VSTM2L: variants seen among roughly 807,000 people sequenced by gnomAD.
VSTM2L encodes V-set and transmembrane domain-containing protein 2-like protein.
A neutral mutation model predicts 19.9 loss-of-function variants in VSTM2L; 9 were observed. That is an observed-to-expected ratio of 0.45 (90% confidence interval 0.27 to 0.79). The LOEUF is 0.79. Among genes scored for constraint, VSTM2L ranks in the 30% least tolerant of loss-of-function variants. The probability of loss-of-function intolerance (pLI) is 0.15; values close to 1 mark genes in which losing one functional copy is unlikely to be tolerated. For synonymous variants in VSTM2L, 127 were observed against 133.8 expected (o/e 0.95, Z 0.35); for missense variants, 286 against 295.5 (o/e 0.97, Z 0.24).
intron 1 of VSTM2L, among the ~76,000 whole-genome samples, chr20:37,906,773 C>T (rs2072754186): frequency 6.6e-6 from 1 of 152,206 alleles, no homozygotes; most frequent in Non-Finnish European, 1.5e-5. Context: ...TTTCTCCCTT[C>T]TAGCTCCTCA....
At chr20:37,916,662 G>A (rs1280482596) in intron 1 of VSTM2L, among the ~76,000 whole-genome samples, 3 of 152,232 alleles carry the variant, frequency 2.0e-5, no homozygotes, top group African/African-American at 7.2e-5. Flanking sequence ...TCTGTAAGAA[G>A]AGGACAATGA....
intron 1 of VSTM2L, among the ~76,000 whole-genome samples, chr20:37,910,907 A>G (rs552620783): frequency 4.8e-4 from 71 of 148,582 alleles, no homozygotes; most frequent in Middle Eastern, 6.9e-3. Flanking sequence ...ACAGAGTGAG[A>G]CCCTGTCTCT....
chr20:37,942,753 G>A, intron 3 of VSTM2L, among the ~76,000 whole-genome samples: 1 of 152,308 alleles, frequency 6.6e-6, no homozygotes, highest in East Asian at 1.9e-4. Context: ...ATTTCCTCAG[G>A]CTGTGTGCAC....
At chr20:37,914,377 G>GT (rs2072800723) in intron 1 of VSTM2L, among the ~76,000 whole-genome samples, 1 of 2,416 alleles carries the variant, frequency 4.1e-4, no homozygotes, top group African/African-American at 1.6e-3. Context: ...TATGTGTGTG[G>GT]GTGTATGTGT....
intron 1 of VSTM2L, among the ~76,000 whole-genome samples, chr20:37,926,289 T>C (rs527896539): frequency 1.3e-5 from 2 of 152,354 alleles, no homozygotes; most frequent in Admixed American, 1.3e-4. Flanking sequence ...CTTGAACTCC[T>C]GACCTCAAGT....
At chr20:37,929,137 G>C (rs6123167) in intron 1 of VSTM2L, among the ~76,000 whole-genome samples, 1 of 151,884 alleles carries the variant, frequency 6.6e-6, no homozygotes, top group African/African-American at 2.4e-5. Context: ...CTAAGGAAGC[G>C]GACTTTGAGC....
intron 1 of VSTM2L, 117 bp from the exon 2 acceptor site, chr20:37,931,518 C>CCCCA: frequency 8.9e-7 from 1 of 1,122,954 alleles, no homozygotes; most frequent in Admixed American, 2.1e-5. Flanking sequence ...GTCACCCCAC[C>CCCCA]CCCTCCACCC....
intron 1 of VSTM2L, among the ~76,000 whole-genome samples, chr20:37,930,150 A>C (rs1459720750): frequency 6.6e-6 from 1 of 152,242 alleles, no homozygotes; most frequent in Non-Finnish European, 1.5e-5. Flanking sequence ...ACTTGCTCTC[A>C]GCCCAGAAAC....
intron 1 of VSTM2L, among the ~76,000 whole-genome samples, chr20:37,912,053 C>A (rs1444161093): frequency 6.6e-6 from 1 of 152,244 alleles, no homozygotes; most frequent in Non-Finnish European, 1.5e-5. Flanking sequence ...ATCACTTCCC[C>A]TGCCTCCTCC....
chr20:37,938,912 T>G (rs942831563), intron 3 of VSTM2L, among the ~76,000 whole-genome samples: 2 of 152,074 alleles, frequency 1.3e-5, no homozygotes, highest in African/African-American at 4.8e-5. Flanking sequence ...GGGCTGGGTT[T>G]TCCCAAGACA....
chr20:37,935,283 A>G (rs967275969), intron 3 of VSTM2L, among the ~76,000 whole-genome samples: 48 of 152,340 alleles, frequency 3.2e-4, no homozygotes, highest in Middle Eastern at 6.8e-3. Context: ...GGGTCTGGTT[A>G]GGAAATGCAC....
intron 1 of VSTM2L, among the ~76,000 whole-genome samples, chr20:37,910,297 C>T (rs1323941788): frequency 6.6e-6 from 1 of 152,142 alleles, no homozygotes; most frequent in Non-Finnish European, 1.5e-5. Flanking sequence ...ATAGCGCAGG[C>T]GGTGCGTGGG....
At chr20:37,918,639 T>C (rs1050675809) in intron 1 of VSTM2L, among the ~76,000 whole-genome samples, 3 of 152,208 alleles carry the variant, frequency 2.0e-5, no homozygotes, top group Admixed American at 6.5e-5. Context: ...TGAAAATAAA[T>C]ATTAAGTAAA....
At chr20:37,920,808 G>C (rs2072846051) in intron 1 of VSTM2L, among the ~76,000 whole-genome samples, 1 of 152,236 alleles carries the variant, frequency 6.6e-6, no homozygotes, top group African/African-American at 2.4e-5. Flanking sequence ...GAATGAACTG[G>C]ATGAATGAAT....
At chr20:37,922,415 G>A (rs779889724) in intron 1 of VSTM2L, among the ~76,000 whole-genome samples, 1 of 152,156 alleles carries the variant, frequency 6.6e-6, no homozygotes, top group Non-Finnish European at 1.5e-5. Context: ...CATCACTGGA[G>A]GTTTCTGAGT....
At chr20:37,917,676 C>T (rs960308146) in intron 1 of VSTM2L, among the ~76,000 whole-genome samples, 6 of 152,354 alleles carry the variant, frequency 3.9e-5, no homozygotes, top group East Asian at 1.9e-4. Context: ...GGCTCCCCCT[C>T]GCCCTAGTGC....
chr20:37,921,838 CT>C (rs756122087), intron 1 of VSTM2L, among the ~76,000 whole-genome samples: 412 of 91,762 alleles, frequency 4.5e-3, no homozygotes, highest in Middle Eastern at 7.6e-3. Context: ...CTTTCTTTTC[CT>C]TTTTTTTTTT....
At chr20:37,940,432 G>T (rs1271608372) in intron 3 of VSTM2L, among the ~76,000 whole-genome samples, 1 of 152,264 alleles carries the variant, frequency 6.6e-6, no homozygotes, top group African/African-American at 2.4e-5. Flanking sequence ...CAGCAGGGAA[G>T]GCTCAGCATG....
At chr20:37,921,716 G>T (rs962927186) in intron 1 of VSTM2L, among the ~76,000 whole-genome samples, 2 of 151,986 alleles carry the variant, frequency 1.3e-5, no homozygotes, top group Admixed American at 1.3e-4. Context: ...GAGAAGGGAG[G>T]GCCTCACTGA....
Sources: allele counts gnomAD v4.1 joint callset (sites outside exome capture counted in the v4.1 genomes callset), GRCh38; gene constraint gnomAD v4.1.1; transcripts MANE v1.5; gene names NCBI Gene and HGNC (gene_info 2026-07-23, HGNC 2026-07-21).